The following SBF1 variants were observed in gnomAD, a reference collection of about 807,000 sequenced individuals.
SBF1 encodes the protein SET binding factor 1.
Under a neutral mutation model 215.8 loss-of-function variants are expected in SBF1, and 65 were observed. That is an observed-to-expected ratio of 0.30 (90% confidence interval 0.25 to 0.37). SBF1 has a LOEUF of 0.37. Ranked by LOEUF, SBF1 falls within the 10% of genes least tolerant of loss-of-function variation. The pLI, the probability that SBF1 is intolerant of heterozygous loss-of-function variation, is 1.00. For synonymous variants in SBF1, 1,410 were observed against 1,122.8 expected (o/e 1.26, Z -5.11); for missense variants, 2,634 against 2,667.8 (o/e 0.99, Z 0.28).
intron 1 of SBF1, among the ~76,000 whole-genome samples, chr22:50,472,918 T>C (rs2148617546): frequency 6.6e-6 from 1 of 152,128 alleles, no homozygotes; most frequent in East Asian, 1.9e-4. Context: ...GGCTCCACGG[T>C]CCTCCAACCC....
In SBF1 at chr22:50,461,356, CCA is replaced by C. The variant is rs2067503874; in HGVS notation, c.2840-72_2840-71del. 10 of 1,548,200 alleles carry C rather than the reference CCA, an allele frequency of 6.5e-6. No individual in the cohort carries two copies. In the African/African-American group the frequency reaches 9.6e-5, roughly 15 times the overall value. ...GGGGGGGTCCCAGAATCTCAGGGTA[CCA>C]CAGTTATGGGGAATCCCAAGTGGGT... On this transcript the variant is annotated intron_variant, in intron 22 of 40. Coordinates refer to ENST00000380817, the MANE Select transcript of SBF1 (RefSeq NM_002972.4).
In SBF1 at chr22:50,445,216, A is replaced by C. The variant is rs2066736065; in HGVS notation, c.*1926T>G. Reference sequence around the variant, plus strand: ...ATCCCCGTGTAATGGGTGGAGGCGGAACAGGCCACATCACGGCATCAGGTC... The same window carrying C: ...ATCCCCGTGTAATGGGTGGAGGCGGCACAGGCCACATCACGGCATCAGGTC... On this transcript the variant is annotated 3_prime_UTR_variant, in exon 41 of 41. Transcript: ENST00000380817. The C allele has an allele frequency of 6.6e-6, 1 of 152,358 alleles. No homozygotes were observed. Among genetic ancestry groups the C allele is most frequent in the African/African-American group, 2.4e-5 (1 of 41,460 alleles). 9.4% of individuals were successfully genotyped at this position (152,358 alleles called of 1,614,324 possible).
chr22:50,473,492 G>T (rs577501629), intron 1 of SBF1, among the ~76,000 whole-genome samples: 15 of 152,340 alleles, frequency 9.8e-5, no homozygotes, highest in Admixed American at 9.8e-4. Flanking sequence ...GAAAAAGACA[G>T]ATGCTCATGA....
intron 9 of SBF1, 31 bp downstream of exon 9, chr22:50,465,930 A>G (rs1240720612): frequency 1.2e-6 from 2 of 1,611,262 alleles, no homozygotes; most frequent in Non-Finnish European, 1.7e-6. Flanking sequence ...AAAGGCCCCC[A>G]AGGCTCCCGC....
rs1421629806 is a variant in SBF1 at position 50,447,536 on chromosome 22, T to C, written c.5437A>G (p.Lys1813Glu). 6.2e-7 allele frequency: 1 copy of C among 1,612,092 alleles called. No individual in the cohort carries two copies. Among genetic ancestry groups the C allele is most frequent in the Non-Finnish European group, 8.5e-7 (1 of 1,179,122 alleles). ...TGATCACTCACCTGGTGCTTGGTCT[T>C]GTCCAGCACGAACCAGCGGGCCTTC... is the stretch of plus-strand genomic sequence containing the variant. ...PWKARWFVLD[K>E]TKHQLRYYDH... is the part of the protein sequence containing the mutation. Residue 1813 changes from lysine to glutamate, a missense_variant, in exon 39 of 41, where the codon AAG becomes GAG. Lys to Glu is a moderately conservative substitution (Grantham distance 56). Coordinates refer to ENST00000380817, the MANE Select transcript of SBF1 (RefSeq NM_002972.4).
Position 50,467,682 on chromosome 22 carries a change from C to T in SBF1, c.288G>A (p.Thr96=), listed in dbSNP as rs758908974. Residue 96 remains threonine (T), a synonymous_variant, in exon 4 of 41, where the codon ACG becomes ACA. Transcript: ENST00000380817. ...CCCTCTCTGTGGCATCCTCCACGCG[C>T]GTCGTTTCCTGCTGGGGGTCAGGGG... ...WEPAEPSQET[T]RVEDATEREE... The T allele has an allele frequency of 4.0e-5, 59 of 1,470,758 alleles. No homozygotes were observed. The highest frequency in any genetic ancestry group is 7.2e-5 in the Admixed American group (4 of 55,736). 91.1% of individuals were successfully genotyped at this position (1,470,758 alleles called of 1,614,324 possible).
chr22:50,460,958 A>G (rs572959228), intron 23 of SBF1, among the ~76,000 whole-genome samples: 150 of 152,364 alleles, frequency 9.8e-4, no homozygotes, highest in South Asian at 1.4e-3. Flanking sequence ...CGGCGCCCCA[A>G]GGAAAGGACA....
chr22:50,462,892 G>A lies in SBF1; in HGVS notation c.1946C>T (p.Pro649Leu). The A allele has an allele frequency of 1.2e-6, 2 of 1,613,060 alleles. No homozygotes were observed. Among genetic ancestry groups the A allele is most frequent in the South Asian group, 2.2e-5 (2 of 91,062 alleles). The change falls in exon 17 of 41, where the codon CCT becomes CTT. Residue 649 changes from proline to leucine, a missense_variant. By Grantham distance (98) the Pro-to-Leu change is moderately conservative. Coordinates refer to ENST00000380817, the MANE Select transcript of SBF1 (RefSeq NM_002972.4). ...DEHGIAAALL[P>L]LVTAFCRKLS... ...CACCCGGCAGAAGGCTGTGACCAGA[G>A]GCAGCAGAGCCGCCGCAATGCCATG...
Position 50,461,691 on chromosome 22 carries a change from G to T in SBF1, c.2671C>A (p.Pro891Thr). The change falls in exon 22 of 41, where the codon CCG becomes ACG. Residue 891 changes from proline to threonine, a missense_variant. Coordinates refer to ENST00000380817, the MANE Select transcript of SBF1 (RefSeq NM_002972.4). ...KPKLLRPRLL[P>T]GEECVLDGLR... ...CCGTCCAGCACACACTCCTCACCCG[G>T]CAGCAGGCGCGGCCGCAGCAGCTTG... The T allele has an allele frequency of 6.2e-7, 1 of 1,609,704 alleles. No individual in the cohort carries two copies.
Position 50,462,628 on chromosome 22 carries a change from G to A in SBF1, c.2058C>T (p.Phe686=). 6.2e-7 allele frequency: 1 copy of A among 1,612,850 alleles called. No individual in the cohort carries two copies. Among genetic ancestry groups the A allele is most frequent in the Admixed American group, 1.7e-5 (1 of 59,952 alleles). ...WSTPQFWEAM[F]YGDVQTHIRA... is the part of the protein sequence containing the mutation. ...GGATGTGAGTCTGCACATCCCCATA[G>A]AACATGGCCTCCCAGAACTGTGGCG... Residue 686 remains phenylalanine, a synonymous_variant, in exon 18 of 41, where the codon TTC becomes TTT. Coordinates refer to ENST00000380817, the MANE Select transcript of SBF1 (RefSeq NM_002972.4).
Position 50,464,367 on chromosome 22 carries a change from A to T in SBF1, c.1711T>A (p.Ser571Thr). Residue 571 changes from serine (S) to threonine (T), a missense_variant, in exon 15 of 41, where the codon TCC (serine) becomes ACC (threonine). Physicochemically the swap from Ser to Thr is moderately conservative, Grantham distance 58. Coordinates refer to ENST00000380817, the MANE Select transcript of SBF1 (RefSeq NM_002972.4). ...AGCATTTTCCCCTCAAACACGTAGGAGATGCAGTTGCGCACAACCTCCAGC... is the reference window on the plus strand; with the variant it reads ...AGCATTTTCCCCTCAAACACGTAGGTGATGCAGTTGCGCACAACCTCCAGC... Reference protein sequence around the residue: ...RRLEVVRNCISYVFEGKMLEA... With the variant: ...RRLEVVRNCITYVFEGKMLEA... 1 of 1,614,100 alleles carries T rather than the reference A, an allele frequency of 6.2e-7. No homozygotes were observed. The highest frequency in any genetic ancestry group is 8.5e-7 in the Non-Finnish European group (1 of 1,180,002).
chr22:50,456,476 C>A lies in SBF1; in HGVS notation c.4086+16G>T, dbSNP rs1272147485. ...GAGCCCCCACCCTCACCCCCCACCC[C>A]CCGCACCCCAGTCACCTTGAGCTGG... is the stretch of plus-strand genomic sequence containing the variant. On this transcript the variant is annotated intron_variant, in intron 30 of 40. Coordinates refer to ENST00000380817, the MANE Select transcript of SBF1 (RefSeq NM_002972.4). 4 of 1,520,034 alleles carry A rather than the reference C, an allele frequency of 2.6e-6. No individual in the cohort carries two copies. The highest frequency in any genetic ancestry group is 3.5e-6 in the Non-Finnish European group (4 of 1,130,114). 94.2% of individuals were successfully genotyped at this position (1,520,034 alleles called of 1,614,324 possible).
intron 1 of SBF1, among the ~76,000 whole-genome samples, chr22:50,470,792 G>A (rs1477539266): frequency 1.3e-5 from 2 of 152,224 alleles, no homozygotes; most frequent in Non-Finnish European, 2.9e-5. Context: ...TCAGTCGGAA[G>A]TACAGGGCAC....
At position 50,446,765 on chromosome 22, in the gene SBF1, G is replaced by C. The variant is rs1008179555; in HGVS notation, c.*377C>G. 1.8e-6 allele frequency: 1 copy of C among 540,738 alleles called. No individual in the cohort carries two copies. The highest frequency in any genetic ancestry group is 1.9e-5 in the African/African-American group (1 of 53,658). The allele number at this position is 540,738 out of a possible 1,614,324, so 33.5% of individuals were successfully genotyped here. On this transcript the variant is annotated 3_prime_UTR_variant, in exon 41 of 41. Transcript: ENST00000380817. ...AGATGGGACCCTCTGGGTAGGCCGAGAGCAGGCAGCCGGGGAGTGGGGAAG... is the reference window on the plus strand; with the variant it reads ...AGATGGGACCCTCTGGGTAGGCCGACAGCAGGCAGCCGGGGAGTGGGGAAG...
Position 50,456,610 on chromosome 22 carries a change from C to T in SBF1, c.3968G>A (p.Arg1323Gln), listed in dbSNP as rs746388522. 7.9e-5 allele frequency: 121 copies of T among 1,525,250 alleles called. No individual in the cohort carries two copies. Among genetic ancestry groups the T allele is most frequent in the Non-Finnish European group, 9.7e-5 (111 of 1,138,776 alleles). The allele number at this position is 1,525,250 out of a possible 1,614,324, so 94.5% of individuals were successfully genotyped here. The change falls in exon 30 of 41, where the codon CGG (arginine) becomes CAG (glutamine). Residue 1323 changes from arginine (R) to glutamine (Q), a missense_variant. Coordinates refer to ENST00000380817, the MANE Select transcript of SBF1 (RefSeq NM_002972.4). ...GGCCAGCGCGTCTCTGCCAGCTAGC[C>T]GGGAGCCCACATCGGTGCCAAGGCC... ...SSGLGTDVGS[R>Q]LAGRDALAPP...
chr22:50,454,800 A>C lies in SBF1; in HGVS notation c.4812+14T>G. On this transcript the variant is annotated intron_variant, in intron 35 of 40. Transcript: ENST00000380817. ...CGGGCAGGAGCCGCCTACCCGACCC[A>C]GGCCCCAGCTTACCTCTGCGTCCTC... The C allele has an allele frequency of 1.2e-6, 2 of 1,613,162 alleles. No individual in the cohort carries two copies. Among genetic ancestry groups the C allele is most frequent in the South Asian group, 2.2e-5 (2 of 91,044 alleles).
In SBF1 at chr22:50,466,715, A is replaced by G. The variant is rs1024595433; in HGVS notation, c.550-5T>C. ...AGCCCCCAAAGAGATCGTCCTCTGC[A>G]GCAAAAAAAGGATCGGGGCTCAGTA... On this transcript the variant is annotated splice_polypyrimidine_tract_variant and splice_region_variant and intron_variant, in intron 5 of 40. Coordinates refer to ENST00000380817, the MANE Select transcript of SBF1 (RefSeq NM_002972.4). The G allele has an allele frequency of 6.6e-7, 1 of 1,519,878 alleles. No homozygotes were observed. Among genetic ancestry groups the G allele is most frequent in the Non-Finnish European group, 8.9e-7 (1 of 1,127,644 alleles). The allele number at this position is 1,519,878 out of a possible 1,614,324, so 94.1% of individuals were successfully genotyped here. A position where few individuals can be genotyped will look rare whatever the true frequency, so the allele number is the denominator to read the frequency against.
intron 32 of SBF1, 23 bp downstream of exon 32, chr22:50,455,458 C>A (rs1230530915): frequency 3.7e-6 from 6 of 1,612,258 alleles, no homozygotes; most frequent in Admixed American, 1.7e-5. Flanking sequence ...GCCTGGCCCA[C>A]CCCAGCCCCA....
Position 50,471,331 on chromosome 22 carries a change from GCGGGCGGGCGGGCAGGCGAACACAGA to G in SBF1, c.56-2896_56-2871del, listed in dbSNP as rs1194531937. ...CCCACGCAGACGGCAGGCCTGAAAG[GCGGGCGGGCGGGCAGGCGAACACAGA>G]CCTCGCGTTCTGTCATCTGCTGGCA... On this transcript the variant is annotated intron_variant, in intron 1 of 40. Transcript: ENST00000380817. Among the ~76,000 whole-genome samples the G allele has an allele frequency of 2.0e-5, 3 of 152,364 alleles. No homozygotes were observed. The East Asian group carries it at 5.8e-4, about 29-fold the overall frequency.
Sources: allele counts gnomAD v4.1 joint callset (sites outside exome capture counted in the v4.1 genomes callset), GRCh38; gene constraint gnomAD v4.1.1; transcripts MANE v1.5; gene names NCBI Gene and HGNC (gene_info 2026-07-23, HGNC 2026-07-21).